RSF1: variants seen among roughly 807,000 people sequenced by gnomAD.
RSF1 encodes the protein HBV pX-associated protein 8.
In RSF1, 13 loss-of-function variants were observed where a neutral mutation model predicts 145.2. The ratio of observed to expected loss-of-function variants is 0.09; its 90% CI spans 0.06 to 0.14. The LOEUF is 0.14. RSF1 is among the 10% of genes least tolerant of loss of function. The pLI, the probability that RSF1 is intolerant of heterozygous loss-of-function variation, is 1.00. For synonymous variants in RSF1, 577 were observed against 592.6 expected (o/e 0.97, Z 0.38); for missense variants, 1,517 against 1,718.2 (o/e 0.88, Z 2.07).
chr11:77,696,095 T>C (rs1355092185), intron 7 of RSF1, among the ~76,000 whole-genome samples: 1 of 152,212 alleles, frequency 6.6e-6, no homozygotes, highest in Non-Finnish European at 1.5e-5. Flanking sequence ...TTGATTACAT[T>C]GGCACATGTG....
chr11:77,808,741 A>G (rs1327026141), intron 1 of RSF1, among the ~76,000 whole-genome samples: 2 of 142,094 alleles, frequency 1.4e-5, no homozygotes, highest in Admixed American at 7.2e-5. Context: ...CACCGTGTTA[A>G]CCGGGATGGT....
At chr11:77,735,517 T>G (rs1300312090) in intron 4 of RSF1, among the ~76,000 whole-genome samples, 10 of 152,146 alleles carry the variant, frequency 6.6e-5, no homozygotes, top group Admixed American at 6.5e-4. Context: ...AATCCTCTTT[T>G]AAGAATTAGG....
chr11:77,841,364 TAG>T, the RSF1 span: 4 of 587,738 alleles, frequency 6.8e-6, no homozygotes, highest in Non-Finnish European at 1.2e-5. Context: ...TCTGTTCTGT[TAG>T]AGTTTTTTCC....
intron 1 of RSF1, 148 bp downstream of exon 1, chr11:77,820,380 G>A (rs1948852025): frequency 3.5e-6 from 3 of 849,094 alleles, no homozygotes; most frequent in African/African-American, 1.7e-5. Context: ...GGGGCTGGGC[G>A]GAGAAGACCA....
At chr11:77,671,152 TA>T (rs1959530216) in intron 15 of RSF1, among the ~76,000 whole-genome samples, 1 of 55,158 alleles carries the variant, frequency 1.8e-5, no homozygotes, top group Non-Finnish European at 2.7e-5. Flanking sequence ...TATATATATA[TA>T]TATATATATA....
chr11:77,702,661 TA>T, intron 5 of RSF1, 166 bp from the exon 6 acceptor site: 1 of 433,258 alleles, frequency 2.3e-6, no homozygotes, highest in Non-Finnish European at 3.8e-6. Flanking sequence ...TGAAGAAAAT[TA>T]CAAAAACTTT....
chr11:77,684,125 A>C (rs1648970252), intron 10 of RSF1, among the ~76,000 whole-genome samples: 1 of 152,236 alleles, frequency 6.6e-6, no homozygotes, highest in African/African-American at 2.4e-5. Flanking sequence ...AATTTGCAAC[A>C]GAAGATGTTC....
At chr11:77,723,344 T>C (rs1960981303) in intron 5 of RSF1, among the ~76,000 whole-genome samples, 1 of 152,072 alleles carries the variant, frequency 6.6e-6, no homozygotes, top group Admixed American at 6.6e-5. Flanking sequence ...GCCTGTAGTC[T>C]TATCTACTCA....
In RSF1 at chr11:77,661,298, T is replaced by C. The variant is rs879040125; in HGVS notation, c.*5619A>G. On this transcript the variant is annotated 3_prime_UTR_variant, in exon 16 of 16. Coordinates refer to ENST00000308488, the MANE Select transcript of RSF1 (RefSeq NM_016578.4). ...CTCAAGAAGCTACTTTGAAAGAGAA[T>C]AGAACACCAGACTAACATTGAGAAT... is the stretch of plus-strand genomic sequence containing the variant. The C allele has an allele frequency of 2.6e-5, 4 of 152,136 alleles. No individual in the cohort carries two copies. Among genetic ancestry groups the C allele is most frequent in the South Asian group, 4.1e-4 (2 of 4,834 alleles). The allele number at this position is 152,136 out of a possible 1,614,324, so 9.4% of individuals were successfully genotyped here.
At chr11:77,729,536 G>A (rs996905533) in intron 4 of RSF1, among the ~76,000 whole-genome samples, 1 of 149,478 alleles carries the variant, frequency 6.7e-6, no homozygotes, top group Admixed American at 6.7e-5. Context: ...CATTTCAGAA[G>A]CAATGAAGAA....
chr11:77,669,260 T>C (rs1448126110), intron 15 of RSF1, among the ~76,000 whole-genome samples: 1 of 152,196 alleles, frequency 6.6e-6, no homozygotes, highest in African/African-American at 2.4e-5. Context: ...ACCTGGACTA[T>C]TACAATAACT....
chr11:77,765,239 C>T (rs1948213925), intron 1 of RSF1, among the ~76,000 whole-genome samples: 1 of 152,020 alleles, frequency 6.6e-6, no homozygotes, highest in African/African-American at 2.4e-5. Flanking sequence ...ATTTCAAAGA[C>T]ATACATTCAT....
intron 4 of RSF1, chr11:77,734,763 T>A: frequency 6.3e-7 from 1 of 1,582,776 alleles, no homozygotes. Context: ...CACAGTCTGG[T>A]TTTTTGATAT....
Position 77,676,783 on chromosome 11 carries a change from A to G in RSF1, c.3341+9T>C, listed in dbSNP as rs1013430088. ...TCTAGGGATCGGGGCCTAGTAGGAG[A>G]CCACACACCCATCACTGATCTTGAA... On this transcript the variant is annotated intron_variant, in intron 13 of 15. Coordinates refer to ENST00000308488, the MANE Select transcript of RSF1 (RefSeq NM_016578.4). 2 of 1,611,294 alleles carry G rather than the reference A, an allele frequency of 1.2e-6. No individual in the cohort carries two copies. Among genetic ancestry groups the G allele is most frequent in the Non-Finnish European group, 1.7e-6 (2 of 1,178,144 alleles).
intron 1 of RSF1, among the ~76,000 whole-genome samples, chr11:77,789,273 G>A (rs1456511340): frequency 6.6e-6 from 1 of 152,290 alleles, no homozygotes; most frequent in Non-Finnish European, 1.5e-5. Context: ...GGAAGCTGTC[G>A]GGAGATTGTA....
intron 5 of RSF1, among the ~76,000 whole-genome samples, chr11:77,713,243 C>T (rs1488132002): frequency 6.6e-6 from 1 of 152,150 alleles, no homozygotes; most frequent in Non-Finnish European, 1.5e-5. Flanking sequence ...CTATACAAAA[C>T]ACTCACGGGA....
intron 5 of RSF1, among the ~76,000 whole-genome samples, chr11:77,721,843 A>G (rs1960947400): frequency 6.6e-6 from 1 of 152,190 alleles, no homozygotes; most frequent in Non-Finnish European, 1.5e-5. Context: ...TGAATAAGAA[A>G]CATTTTGTTG....
chr11:77,707,950 A>G (rs1960591309), intron 5 of RSF1, among the ~76,000 whole-genome samples: 1 of 152,230 alleles, frequency 6.6e-6, no homozygotes, highest in South Asian at 2.1e-4. Context: ...ACAGAACACA[A>G]TGTTAACAGT....
intron 11 of RSF1, among the ~76,000 whole-genome samples, chr11:77,679,715 C>CTATATTATTACTGCTATTGAAAAT (rs1179232193): frequency 6.6e-4 from 100 of 151,340 alleles, no homozygotes; most frequent in South Asian, 2.9e-3. Flanking sequence ...AATAATAGGG[C>CTATATTATTACTGCTATTGAAAAT]TATATTATTA....
Sources: allele counts gnomAD v4.1 joint callset (sites outside exome capture counted in the v4.1 genomes callset), GRCh38; gene constraint gnomAD v4.1.1; transcripts MANE v1.5; gene names NCBI Gene and HGNC (gene_info 2026-07-23, HGNC 2026-07-21).